KIAA0232: variants seen among roughly 807,000 people sequenced by gnomAD.
KIAA0232 encodes the protein KIAA0232, also known as uncharacterized protein KIAA0232.
In KIAA0232, 27 loss-of-function variants were observed where a neutral mutation model predicts 122.0. That is an observed-to-expected ratio of 0.22 (90% CI 0.16 to 0.31). The LOEUF (loss-of-function observed/expected upper bound fraction) is 0.31, where lower values mean the gene tolerates loss of function less well. Ranked by LOEUF, KIAA0232 falls within the 10% of genes least tolerant of loss-of-function variation. KIAA0232 has a pLI of 1.00. For missense variants in KIAA0232, 1,551 were observed against 1,634.2 expected (o/e 0.95, Z 0.88); for synonymous variants, 613 against 587.6 (o/e 1.04, Z -0.63).
intron 1 of KIAA0232, among the ~76,000 whole-genome samples, chr4:6,792,339 A>G (rs892701239): frequency 2.3e-4 from 35 of 152,238 alleles, no homozygotes; most frequent in African/African-American, 7.7e-4. Context: ...TTTTGTACAT[A>G]TGTCTTAGTG....
intron 4 of KIAA0232, among the ~76,000 whole-genome samples, chr4:6,852,299 A>G (rs1204118268): frequency 2.6e-5 from 4 of 152,134 alleles, no homozygotes; most frequent in African/African-American, 7.2e-5. Flanking sequence ...TTCTCTGGCT[A>G]TTGAAGGCAT....
intron 3 of KIAA0232, among the ~76,000 whole-genome samples, chr4:6,835,152 A>T (rs902062054): frequency 6.6e-6 from 1 of 152,128 alleles, no homozygotes; most frequent in African/African-American, 2.4e-5. Context: ...GGGATTGTTG[A>T]CCAGAGCCTC....
At chr4:6,837,020 C>T (rs540972867) in intron 3 of KIAA0232, among the ~76,000 whole-genome samples, 17 of 152,340 alleles carry the variant, frequency 1.1e-4, no homozygotes, top group Non-Finnish European at 2.2e-4. Flanking sequence ...TCGACAAAAC[C>T]GCCATCGTCA....
chr4:6,847,261 C>T (rs1215902155), intron 4 of KIAA0232, among the ~76,000 whole-genome samples: 1 of 152,134 alleles, frequency 6.6e-6, no homozygotes, highest in Non-Finnish European at 1.5e-5. Context: ...TCCATAGTTA[C>T]CAGACTGTTC....
chr4:6,856,740 T>A (rs2108782910), intron 4 of KIAA0232, among the ~76,000 whole-genome samples: 1 of 152,132 alleles, frequency 6.6e-6, no homozygotes, highest in Non-Finnish European at 1.5e-5. Context: ...AGAACTAAGA[T>A]GAGGTTTTGT....
chr4:6,811,002 GAATATA>G (rs1717851813), intron 2 of KIAA0232, among the ~76,000 whole-genome samples: 1 of 152,148 alleles, frequency 6.6e-6, no homozygotes, highest in Admixed American at 6.5e-5. Flanking sequence ...TTTTTGGTGG[GAATATA>G]AATTAGTATA....
chr4:6,840,118 C>T (rs1288606481), intron 3 of KIAA0232, among the ~76,000 whole-genome samples: 1 of 152,146 alleles, frequency 6.6e-6, no homozygotes, highest in Non-Finnish European at 1.5e-5. Context: ...TTCAGAGCTT[C>T]CCAGTGTCAT....
intron 4 of KIAA0232, among the ~76,000 whole-genome samples, chr4:6,846,619 A>G (rs1236057170): frequency 1.3e-5 from 2 of 151,988 alleles, no homozygotes; most frequent in African/African-American, 2.4e-5. Context: ...ACTGGGGACC[A>G]CTGCCTTAAA....
intron 3 of KIAA0232, among the ~76,000 whole-genome samples, chr4:6,825,062 A>G (rs1204766335): frequency 1.3e-5 from 2 of 152,260 alleles, no homozygotes. Context: ...CATTGCGTCT[A>G]TTATACTTCT....
At position 6,860,962 on chromosome 4, in the gene KIAA0232, G is replaced by C; in HGVS notation, c.580G>C (p.Val194Leu). Reference sequence around the variant, plus strand: ...AGTTTGCCTGCAAGAAATCATGACTGTGTGGAACAAGTCTAAAGTCTGTTC... The same window carrying C: ...AGTTTGCCTGCAAGAAATCATGACTCTGTGGAACAAGTCTAAAGTCTGTTC... ...KPVCLQEIMT[V>L]WNKSKVCSYS... is the part of the protein sequence containing the mutation. Residue 194 changes from valine (V) to leucine (L), a missense_variant, in exon 7 of 10, where the codon GTG becomes CTG. Val to Leu is a conservative substitution (Grantham distance 32, BLOSUM62 1). Coordinates refer to ENST00000307659, the MANE Select transcript of KIAA0232 (RefSeq NM_014743.3). The C allele has an allele frequency of 1.2e-6, 2 of 1,614,116 alleles. No individual in the cohort carries two copies. The highest frequency in any genetic ancestry group is 1.7e-5 in the Admixed American group (1 of 60,022).
chr4:6,826,962 C>G (rs1283859981), intron 3 of KIAA0232, among the ~76,000 whole-genome samples: 1 of 152,142 alleles, frequency 6.6e-6, no homozygotes, highest in East Asian at 1.9e-4. Context: ...ATAAGATGAA[C>G]TATCAGTATC....
At chr4:6,867,282 A>G (rs1309330634) in intron 7 of KIAA0232, among the ~76,000 whole-genome samples, 1 of 152,198 alleles carries the variant, frequency 6.6e-6, no homozygotes, top group Non-Finnish European at 1.5e-5. Context: ...GTGAAGGTTG[A>G]GGAAGGTTTC....
intron 1 of KIAA0232, among the ~76,000 whole-genome samples, chr4:6,792,037 C>G (rs1188691100): frequency 1.3e-5 from 2 of 152,164 alleles, no homozygotes; most frequent in African/African-American, 4.8e-5. Context: ...TAAGAGGTGA[C>G]TTTGCTCCTC....
chr4:6,836,695 G>A (rs994374648), intron 3 of KIAA0232, among the ~76,000 whole-genome samples: 1 of 152,000 alleles, frequency 6.6e-6, no homozygotes, highest in Non-Finnish European at 1.5e-5. Flanking sequence ...GGGCCCTGCC[G>A]CCTTCCGCAG....
Position 6,809,511 on chromosome 4 carries a change from A to G in KIAA0232, c.-270+4905A>G, listed in dbSNP as rs563778033. 1.6e-4 allele frequency among the ~76,000 whole-genome samples: 24 copies of G among 152,340 alleles called. No homozygotes were observed. In the East Asian group the frequency reaches 3.1e-3, roughly 20 times the overall value. On this transcript the variant is annotated intron_variant, in intron 2 of 9. Coordinates refer to ENST00000307659, the MANE Select transcript of KIAA0232 (RefSeq NM_014743.3). ...ATTATGATGAGTGATTACCCTGATC[A>G]TCCCTGCCAATCCAGGATGAACACA...
intron 3 of KIAA0232, among the ~76,000 whole-genome samples, chr4:6,832,170 AT>A (rs1174364532): frequency 6.6e-6 from 1 of 152,082 alleles, no homozygotes; most frequent in East Asian, 1.9e-4. Flanking sequence ...TTTGATATAT[AT>A]TTTGTCTTAT....
Position 6,863,452 on chromosome 4 carries a change from G to A in KIAA0232, c.3070G>A (p.Ala1024Thr). Reference protein sequence around the residue: ...SFIFHEDLLGACGNFQVEDPG... With the variant: ...SFIFHEDLLGTCGNFQVEDPG... ...TATCTTCCATGAAGACTTACTAGGA[G>A]CTTGTGGCAACTTTCAAGTCGAAGA... Residue 1024 changes from alanine (A) to threonine (T), a missense_variant, in exon 7 of 10, where the codon GCT becomes ACT. By Grantham distance (58) the Ala-to-Thr change is moderately conservative. Transcript: ENST00000307659. 6.2e-7 allele frequency: 1 copy of A among 1,614,154 alleles called. No homozygotes were observed. Among genetic ancestry groups the A allele is most frequent in the Non-Finnish European group, 8.5e-7 (1 of 1,180,030 alleles).
chr4:6,808,864 C>G (rs1322304452), intron 2 of KIAA0232, among the ~76,000 whole-genome samples: 1 of 152,180 alleles, frequency 6.6e-6, no homozygotes, highest in Non-Finnish European at 1.5e-5. Context: ...CTGCCAAGGC[C>G]TAAGCATTCT....
At chr4:6,829,886 A>G (rs1322837245) in intron 3 of KIAA0232, among the ~76,000 whole-genome samples, 1 of 152,222 alleles carries the variant, frequency 6.6e-6, no homozygotes, top group African/African-American at 2.4e-5. Context: ...GGGATGCACT[A>G]GCAGATGAGG....
Sources: allele counts gnomAD v4.1 joint callset (sites outside exome capture counted in the v4.1 genomes callset), GRCh38; gene constraint gnomAD v4.1.1; transcripts MANE v1.5; gene names NCBI Gene and HGNC (gene_info 2026-07-23, HGNC 2026-07-21).